TLCD3A: variants seen among roughly 807,000 people sequenced by gnomAD.
TLCD3A encodes TLC domain containing 3A, also known as TLC domain-containing protein 3A.
A neutral mutation model predicts 29.9 loss-of-function variants in TLCD3A; 17 were observed. The observed-to-expected ratio is 0.57, with a 90% CI of 0.39 to 0.85. TLCD3A has a LOEUF of 0.85. TLCD3A is among the 40% of genes least tolerant of loss of function. TLCD3A has a pLI of 0.00. For synonymous variants in TLCD3A, 143 were observed against 147.7 expected (o/e 0.97, Z 0.23); for missense variants, 332 against 350.8 (o/e 0.95, Z 0.43).
At position 741,484 on chromosome 17, in the gene TLCD3A, G is replaced by A. The variant is rs779702815; in HGVS notation, c.688G>A (p.Val230Ile). The part of the protein sequence containing the change: ...FYCNVANAFL[V>I]APQIYWFCLL... ...CTGCAACGTGGCCAATGCCTTCCTCGTAGCTCCTCAGATCTACTGGTTCTG... is the reference window on the plus strand; with the variant it reads ...CTGCAACGTGGCCAATGCCTTCCTCATAGCTCCTCAGATCTACTGGTTCTG... The change falls in exon 5 of 5, where the codon GTA becomes ATA. Residue 230 changes from valine to isoleucine, a missense_variant. Physicochemically the swap from Val to Ile is conservative, Grantham distance 29 (BLOSUM62 3). Transcript: ENST00000308278. 16 of 1,613,958 alleles carry A rather than the reference G, an allele frequency of 9.9e-6. No homozygotes were observed. The highest frequency in any genetic ancestry group is 3.3e-5 in the Admixed American group (2 of 59,982).
Position 741,227 on chromosome 17 carries a change from G to A in TLCD3A, c.505-74G>A. On this transcript the variant is annotated intron_variant, in intron 4 of 4. Transcript: ENST00000308278. ...GCACCTGTGTGGCATTTACTGTGGT[G>A]GGACTTGGGCCCGTCGCTCCCTGAT... The A allele has an allele frequency of 2.0e-6, 3 of 1,501,252 alleles. No individual in the cohort carries two copies. The South Asian group carries it at 3.6e-5, about 18-fold the overall frequency. 93.0% of individuals were successfully genotyped at this position (1,501,252 alleles called of 1,614,324 possible).
Position 737,992 on chromosome 17 carries a change from G to A in TLCD3A, c.353G>A (p.Arg118His), listed in dbSNP as rs776783244. The A allele has an allele frequency of 1.2e-5, 19 of 1,613,502 alleles. No homozygotes were observed. Among genetic ancestry groups the A allele is most frequent in the Non-Finnish European group, 1.4e-5 (17 of 1,179,982 alleles). Residue 118 changes from arginine (R) to histidine (H), a missense_variant, in exon 3 of 5, where the codon CGC (arginine) becomes CAC (histidine). Coordinates refer to ENST00000308278, the MANE Select transcript of TLCD3A (RefSeq NM_024792.3). The stretch of plus-strand genomic sequence containing the variant: ...CTTCGAAACTTCCTAAGTCGAAACC[G>A]CCTCATGATCACACATCATGCGGTC... ...LTLRNFLSRN[R>H]LMITHHAVIL...
chr17:733,120 G>T lies in TLCD3A; in HGVS notation c.145G>T (p.Val49Leu). The T allele has an allele frequency of 1.3e-6, 2 of 1,593,440 alleles. No homozygotes were observed. The highest frequency in any genetic ancestry group is 1.7e-6 in the Non-Finnish European group (2 of 1,170,880). ...STRLVSSVHA[V>L]LATGSGIVII... ...TAGGCTGGTTTCCTCGGTGCACGCC[G>T]TGCTGGCCACCGGCTCGGGGATCGT... Residue 49 changes from valine to leucine, a missense_variant, in exon 2 of 5, where the codon GTG (valine) becomes TTG (leucine). By Grantham distance (32) the Val-to-Leu change is conservative. Coordinates refer to ENST00000308278, the MANE Select transcript of TLCD3A (RefSeq NM_024792.3).
intron 3 of TLCD3A, among the ~76,000 whole-genome samples, chr17:738,394 C>T (rs1974197852): frequency 6.6e-6 from 1 of 151,924 alleles, no homozygotes; most frequent in South Asian, 2.1e-4. Context: ...CTGCGCCCGG[C>T]CTGAGCTGGA....
rs769700833 is a variant in TLCD3A, at chr17:741,594, C to G, written c.*24C>G. 1.2e-6 allele frequency: 2 copies of G among 1,605,780 alleles called. No homozygotes were observed. The highest frequency in any genetic ancestry group is 1.1e-5 in the South Asian group (1 of 90,906). The stretch of plus-strand genomic sequence containing the variant: ...AAATGCTCCTGGGAGTCAGGCGCAG[C>G]CTCACACCAGCTGCCTCCTCCACTC... On this transcript the variant is annotated 3_prime_UTR_variant, in exon 5 of 5. Coordinates refer to ENST00000308278, the MANE Select transcript of TLCD3A (RefSeq NM_024792.3).
chr17:733,944 G>A (rs1310298555), intron 2 of TLCD3A, among the ~76,000 whole-genome samples: 1 of 152,194 alleles, frequency 6.6e-6, no homozygotes, highest in Non-Finnish European at 1.5e-5. Context: ...GCCAAGTCCT[G>A]CTTCTCACCT....
In TLCD3A at chr17:741,817, C is replaced by G. The variant is rs1974259900; in HGVS notation, c.*247C>G. 3.7e-6 allele frequency: 2 copies of G among 545,792 alleles called. No homozygotes were observed. The allele number at this position is 545,792 out of a possible 1,614,324, so 33.8% of individuals were successfully genotyped here. A position where few individuals can be genotyped will look rare whatever the true frequency, so the allele number is the denominator to read the frequency against. On this transcript the variant is annotated 3_prime_UTR_variant, in exon 5 of 5. Coordinates refer to ENST00000308278, the MANE Select transcript of TLCD3A (RefSeq NM_024792.3). ...ACAGCAAAGTGGTTTTAATGCAAGCCCAAGGATCCTTCTTAAGGTCTTATC... is the reference window on the plus strand; with the variant it reads ...ACAGCAAAGTGGTTTTAATGCAAGCGCAAGGATCCTTCTTAAGGTCTTATC...
intron 3 of TLCD3A, among the ~76,000 whole-genome samples, chr17:738,964 A>T (rs1974206072): frequency 7.1e-6 from 1 of 141,804 alleles, no homozygotes; most frequent in Non-Finnish European, 1.6e-5. Flanking sequence ...ACAATATAAA[A>T]TACAAATATA....
chr17:739,776 G>A (rs1236811376), intron 3 of TLCD3A, among the ~76,000 whole-genome samples: 1 of 152,208 alleles, frequency 6.6e-6, no homozygotes, highest in African/African-American at 2.4e-5. Flanking sequence ...ATTTTACCAT[G>A]CTTACTGCTT....
At chr17:737,293 T>A (rs1974171312) in intron 2 of TLCD3A, among the ~76,000 whole-genome samples, 1 of 152,196 alleles carries the variant, frequency 6.6e-6, no homozygotes, top group African/African-American at 2.4e-5. Flanking sequence ...ATTACAGGTG[T>A]GAGCCACCGA....
chr17:735,308 G>A (rs536024642), intron 2 of TLCD3A, among the ~76,000 whole-genome samples: 1 of 152,174 alleles, frequency 6.6e-6, no homozygotes, highest in South Asian at 2.1e-4. Flanking sequence ...CACCGTGCCC[G>A]GCCGACTTTC....
chr17:734,159 G>C (rs1181048211), intron 2 of TLCD3A, among the ~76,000 whole-genome samples: 1 of 151,458 alleles, frequency 6.6e-6, no homozygotes, highest in Non-Finnish European at 1.5e-5. Flanking sequence ...ATATTGGTGT[G>C]GCTGGGTACA....
In TLCD3A at chr17:741,532, C is replaced by T. The variant is rs766347747; in HGVS notation, c.736C>T (p.Arg246Trp). ...CTGTCTGCTGTGCAGGAAGGCAGTC[C>T]GGCTCTTTGACACTCCCCAAGCCAA... ...WFCLLCRKAV[R>W]LFDTPQAKKD... The change falls in exon 5 of 5, where the codon CGG becomes TGG. Residue 246 changes from arginine to tryptophan, a missense_variant. Physicochemically the swap from Arg to Trp is moderately radical, Grantham distance 101 (BLOSUM62 -3). Coordinates refer to ENST00000308278, the MANE Select transcript of TLCD3A (RefSeq NM_024792.3). 135 of 1,613,954 alleles carry T rather than the reference C, an allele frequency of 8.4e-5. 1 individual carries two copies. In the South Asian group the frequency reaches 9.4e-4, roughly 11 times the overall value.
Position 738,058 on chromosome 17 carries a change from C to T in TLCD3A, c.408+11C>T. 1.3e-6 allele frequency: 2 copies of T among 1,553,828 alleles called. No homozygotes were observed. On this transcript the variant is annotated intron_variant, in intron 3 of 4. Coordinates refer to ENST00000308278, the MANE Select transcript of TLCD3A (RefSeq NM_024792.3). The stretch of plus-strand genomic sequence containing the variant: ...GTGCCAGTCGCACAGGTATGGCCTT[C>T]CAGGACAGCAGACCAGCAGCTGGGT...
rs375991077 is a variant in TLCD3A, at chr17:741,431, T to C, written c.635T>C (p.Leu212Pro). Residue 212 changes from leucine to proline, a missense_variant, in exon 5 of 5, where the codon CTC (leucine) becomes CCC (proline). Coordinates refer to ENST00000308278, the MANE Select transcript of TLCD3A (RefSeq NM_024792.3). ...SYGRQQGLSL[L>P]QVPFSIPFYC... ...GGCCGCCAGCAGGGACTAAGCCTGC[T>C]CCAAGTACCCTTCAGCATCCCATTC... 3 of 1,614,212 alleles carry C rather than the reference T, an allele frequency of 1.9e-6. No individual in the cohort carries two copies. Among genetic ancestry groups the C allele is most frequent in the Non-Finnish European group, 2.5e-6 (3 of 1,180,048 alleles).
At chr17:738,095 T>TTTGTTG in intron 3 of TLCD3A, 48 bp downstream of exon 3, 4 of 1,131,024 alleles carry the variant, frequency 3.5e-6, no homozygotes, top group Middle Eastern at 3.2e-4. Context: ...GAGCTGGGTG[T>TTTGTTG]CTTTTTTTTT....
chr17:734,980 C>T (rs563767858), intron 2 of TLCD3A, among the ~76,000 whole-genome samples: 25 of 152,166 alleles, frequency 1.6e-4, no homozygotes, highest in Non-Finnish European at 1.5e-5. Context: ...CCGTGCCCAG[C>T]CTGTATAGTA....
chr17:737,736 T>C (rs1041312250), intron 2 of TLCD3A, 110 bp from the exon 3 acceptor site: 14 of 1,039,604 alleles, frequency 1.3e-5, no homozygotes, highest in Middle Eastern at 2.4e-4. Context: ...AACATCTTTA[T>C]TGTAAAGTAT....
chr17:737,208 C>T (rs577355276), intron 2 of TLCD3A, among the ~76,000 whole-genome samples: 3 of 151,672 alleles, frequency 2.0e-5, no homozygotes, highest in South Asian at 2.1e-4. Context: ...GACGGGGTTT[C>T]GCCATGTTGG....
Sources: gnomAD v4.1 joint callset for allele counts (sites outside exome capture counted in the v4.1 genomes callset) on GRCh38, gnomAD v4.1.1 for gene constraint, MANE v1.5 for transcripts, NCBI Gene and HGNC (gene_info 2026-07-23, HGNC 2026-07-21) for gene names.